Variants in CREBL2 observed in about 807,000 individuals in gnomAD.
CREBL2 encodes the protein cAMP-responsive element-binding protein-like 2.
CREBL2 carries 4 observed loss-of-function variants against 19.5 expected under a neutral mutation model. That is an observed-to-expected ratio of 0.20 (90% CI 0.10 to 0.47). The LOEUF is 0.47. CREBL2 is among the 20% of genes least tolerant of loss of function. The pLI, the probability that CREBL2 is intolerant of heterozygous loss-of-function variation, is 0.98. For missense variants in CREBL2, 85 were observed against 145.1 expected, an observed-to-expected ratio of 0.59 and a Z score of 2.13; for synonymous variants, 42 against 46.6, an observed-to-expected ratio of 0.90 and a Z score of 0.40.
intron 1 of CREBL2, 111 bp downstream of exon 1, chr12:12,612,298 A>G: frequency 1.3e-6 from 2 of 1,580,924 alleles, no homozygotes; most frequent in Non-Finnish European, 1.7e-6. Flanking sequence ...ACCTGCCTAA[A>G]ACATCCCTGC....
intron 1 of CREBL2, chr12:12,632,541 G>A (rs1566112447): frequency 1.3e-5 from 2 of 151,994 alleles, no homozygotes; most frequent in South Asian, 2.1e-4. Context: ...TCTCTTTCTG[G>A]CGTCTCAAAA....
intron 1 of CREBL2, among the ~76,000 whole-genome samples, chr12:12,612,692 G>A (rs1288084293): frequency 1.3e-5 from 2 of 152,092 alleles, no homozygotes; most frequent in Non-Finnish European, 2.9e-5. Flanking sequence ...TTTGGCCAGT[G>A]TGGAGTTTAA....
chr12:12,626,636 C>T (rs1945403894), intron 1 of CREBL2, among the ~76,000 whole-genome samples: 1 of 152,104 alleles, frequency 6.6e-6, no homozygotes, highest in South Asian at 2.1e-4. Context: ...AGTATATTCA[C>T]AGAATTGTGC....
chr12:12,636,107 G>A, intron 2 of CREBL2, 133 bp downstream of exon 2: 1 of 860,860 alleles, frequency 1.2e-6, no homozygotes, highest in South Asian at 1.8e-5. Context: ...TGTTAGCCAG[G>A]ATGGGGGCAA....
At chr12:12,627,983 G>A (rs1180868020) in intron 1 of CREBL2, among the ~76,000 whole-genome samples, 3 of 152,092 alleles carry the variant, frequency 2.0e-5, no homozygotes, top group Admixed American at 6.5e-5. Context: ...GGGTTCAAGC[G>A]ATTCTCCTGC....
In CREBL2 at chr12:12,635,701, T is replaced by C. The variant is rs1945469779; in HGVS notation, c.16-76T>C. 2.7e-6 allele frequency: 4 copies of C among 1,483,664 alleles called. No homozygotes were observed. The East Asian group carries it at 9.8e-5, about 36-fold the overall frequency. The allele number at this position is 1,483,664 out of a possible 1,614,324, so 91.9% of individuals were successfully genotyped here. ...ACGTTTTGTTTATAAATGTTCTCTTTGCTAATATGCAGCCATATTCACTTT... is the reference window on the plus strand; with the variant it reads ...ACGTTTTGTTTATAAATGTTCTCTTCGCTAATATGCAGCCATATTCACTTT... On this transcript the variant is annotated intron_variant, in intron 1 of 3. Coordinates refer to ENST00000228865, the MANE Select transcript of CREBL2 (RefSeq NM_001310.4).
intron 1 of CREBL2, among the ~76,000 whole-genome samples, chr12:12,622,980 A>G (rs1447945323): frequency 6.6e-6 from 1 of 152,154 alleles, no homozygotes; most frequent in East Asian, 1.9e-4. Flanking sequence ...AACTTTTATT[A>G]GTTGCCTTAA....
chr12:12,638,551 TC>T (rs1363811007), intron 3 of CREBL2, among the ~76,000 whole-genome samples: 1 of 152,138 alleles, frequency 6.6e-6, no homozygotes, highest in Non-Finnish European at 1.5e-5. Flanking sequence ...ATAGACTTAG[TC>T]CATAAATGGG....
chr12:12,626,050 G>A (rs1945398755), intron 1 of CREBL2, among the ~76,000 whole-genome samples: 1 of 152,124 alleles, frequency 6.6e-6, no homozygotes, highest in African/African-American at 2.4e-5. Flanking sequence ...TTCATAATGA[G>A]CGCTTTCTGA....
intron 1 of CREBL2, among the ~76,000 whole-genome samples, chr12:12,631,271 A>T (rs1405299839): frequency 6.6e-6 from 1 of 152,206 alleles, no homozygotes; most frequent in Non-Finnish European, 1.5e-5. Context: ...GATTGGAGGT[A>T]GGGAGACAGG....
intron 1 of CREBL2, chr12:12,614,258 G>A (rs1478984384): frequency 1.3e-5 from 2 of 151,554 alleles, no homozygotes; most frequent in South Asian, 2.1e-4. Context: ...GCCTCCCAAA[G>A]TGCTAGGAAT....
intron 3 of CREBL2, among the ~76,000 whole-genome samples, chr12:12,638,408 G>A (rs1204584065): frequency 6.6e-6 from 1 of 152,132 alleles, no homozygotes; most frequent in Admixed American, 6.5e-5. Flanking sequence ...TTGCACTCCA[G>A]CCTGGGCGAC....
rs370560346 is a variant in CREBL2, at chr12:12,641,947, T to A, written c.359-47T>A. The A allele has an allele frequency of 1.1e-5, 15 of 1,405,134 alleles. No individual in the cohort carries two copies. The African/African-American group carries it at 1.2e-4, about 11-fold the overall frequency. The allele number at this position is 1,405,134 out of a possible 1,614,324, so 87.0% of individuals were successfully genotyped here. A position where few individuals can be genotyped will look rare whatever the true frequency, so the allele number is the denominator to read the frequency against. ...CATCTTAAAACAGATTAATCAAACT[T>A]TATTGACTCTAAAAACATTCTTACA... On this transcript the variant is annotated intron_variant, in intron 3 of 3. Transcript: ENST00000228865.
chr12:12,639,676 C>G (rs1341445409), intron 3 of CREBL2, among the ~76,000 whole-genome samples: 1 of 152,090 alleles, frequency 6.6e-6, no homozygotes, highest in Non-Finnish European at 1.5e-5. Flanking sequence ...TTGGGGGAAC[C>G]TGCCCCCAAT....
rs545578141 is a variant in CREBL2, at chr12:12,639,780, G to A, written c.358+2066G>A. Among the ~76,000 whole-genome samples, 103 of 151,680 alleles carry A rather than the reference G, an allele frequency of 6.8e-4. 1 individual carries two copies. Among genetic ancestry groups the A allele is most frequent in the African/African-American group, 2.4e-3 (98 of 41,312 alleles). On this transcript the variant is annotated intron_variant, in intron 3 of 3. Transcript: ENST00000228865. ...AAGAGAGGAATTTTACAGCTGGGCC[G>A]CCAGGGGTGACATCACATATCGGTA... is the stretch of plus-strand genomic sequence containing the variant.
At chr12:12,617,984 G>A (rs1021438245) in intron 1 of CREBL2, among the ~76,000 whole-genome samples, 2 of 152,058 alleles carry the variant, frequency 1.3e-5, no homozygotes, top group African/African-American at 4.8e-5. Context: ...ACGGGGTTGG[G>A]GGTAAGGTTA....
intron 3 of CREBL2, among the ~76,000 whole-genome samples, chr12:12,640,169 C>G (rs1217918961): frequency 1.3e-5 from 2 of 152,210 alleles, no homozygotes; most frequent in Non-Finnish European, 2.9e-5. Flanking sequence ...GAGTTTTTCC[C>G]CACCCTAGTA....
At chr12:12,614,123 A>G (rs1390656339) in intron 1 of CREBL2, among the ~76,000 whole-genome samples, 1 of 150,056 alleles carries the variant, frequency 6.7e-6, no homozygotes, top group Non-Finnish European at 1.5e-5. Flanking sequence ...CCTCCTGAGT[A>G]GCTGGGACTA....
In CREBL2 at chr12:12,644,806, T is replaced by C. The variant is rs1945552214; in HGVS notation, c.*2808T>C. 1 of 152,388 alleles carries C rather than the reference T, an allele frequency of 6.6e-6. No homozygotes were observed. The highest frequency in any genetic ancestry group is 2.1e-4 in the South Asian group (1 of 4,836). The allele number at this position is 152,388 out of a possible 1,614,324, so 9.4% of individuals were successfully genotyped here. On this transcript the variant is annotated 3_prime_UTR_variant, in exon 4 of 4. Coordinates refer to ENST00000228865, the MANE Select transcript of CREBL2 (RefSeq NM_001310.4). Reference sequence around the variant, plus strand: ...ATTATGATCATTTGATTTGGCTAATTACAAAAAGTACAGGTTTAAACTGGA... The same window carrying C: ...ATTATGATCATTTGATTTGGCTAATCACAAAAAGTACAGGTTTAAACTGGA...
Sources: gnomAD v4.1 joint callset for allele counts (sites outside exome capture counted in the v4.1 genomes callset) on GRCh38, gnomAD v4.1.1 for gene constraint, MANE v1.5 for transcripts, NCBI Gene and HGNC (gene_info 2026-07-23, HGNC 2026-07-21) for gene names.